Variants in TAFA2 observed in about 807,000 individuals in gnomAD.
TAFA2 encodes TAFA chemokine like family member 2, also known as chemokine-like protein TAFA-2.
Under a neutral mutation model 18.8 loss-of-function variants are expected in TAFA2, and 7 were observed. The observed-to-expected ratio is 0.37, with a 90% CI of 0.21 to 0.70. TAFA2 has a LOEUF of 0.70. Ranked by LOEUF, TAFA2 falls within the 30% of genes least tolerant of loss-of-function variation. TAFA2 has a pLI of 0.53. For synonymous variants in TAFA2, 60 were observed against 54.2 expected (o/e 1.11, Z -0.47); for missense variants, 122 against 158.1 (o/e 0.77, Z 1.23).
chr12:62,056,081 T>C (rs1331563879), intron 1 of TAFA2, among the ~76,000 whole-genome samples: 2 of 152,206 alleles, frequency 1.3e-5, no homozygotes, highest in Non-Finnish European at 2.9e-5. Flanking sequence ...AATTGTTTTC[T>C]GCATTAAAGG....
intron 1 of TAFA2, among the ~76,000 whole-genome samples, chr12:62,100,125 T>C (rs1372893628): frequency 6.9e-6 from 1 of 144,762 alleles, no homozygotes; most frequent in East Asian, 2.0e-4. Context: ...CTCTTCATAA[T>C]AGCAACTCCC....
At chr12:61,916,592 G>T (rs971738677) in intron 1 of TAFA2, among the ~76,000 whole-genome samples, 2 of 152,092 alleles carry the variant, frequency 1.3e-5, no homozygotes, top group Admixed American at 6.6e-5. Flanking sequence ...TGCCTGTTAC[G>T]ATTTTTCACC....
At chr12:61,896,128 T>C (rs1360239223) in intron 1 of TAFA2, among the ~76,000 whole-genome samples, 1 of 152,078 alleles carries the variant, frequency 6.6e-6, no homozygotes, top group African/African-American at 2.4e-5. Context: ...AGCAGGATGG[T>C]ACCTAAAATC....
At chr12:61,802,394 T>C (rs1291349260) in intron 2 of TAFA2, among the ~76,000 whole-genome samples, 3 of 152,054 alleles carry the variant, frequency 2.0e-5, no homozygotes, top group Non-Finnish European at 4.4e-5. Context: ...AAAGAAAATA[T>C]GGTCCATATA....
chr12:61,890,214 CT>C (rs1319203784), intron 1 of TAFA2: 3 of 152,244 alleles, frequency 2.0e-5, no homozygotes, highest in Non-Finnish European at 4.4e-5. Flanking sequence ...GATAAGGTCA[CT>C]TTGTGGATTC....
intron 1 of TAFA2, among the ~76,000 whole-genome samples, chr12:62,152,708 G>A (rs995661420): frequency 6.6e-6 from 1 of 152,194 alleles, no homozygotes; most frequent in Non-Finnish European, 1.5e-5. Context: ...CTACTTGCAT[G>A]GGTAATTGCT....
chr12:62,032,734 A>T (rs1881492904), intron 1 of TAFA2, among the ~76,000 whole-genome samples: 1 of 152,152 alleles, frequency 6.6e-6, no homozygotes, highest in South Asian at 2.1e-4. Context: ...GCTTGGAGCT[A>T]CTCATATTTA....
At chr12:61,764,403 T>G (rs1869698938) in intron 2 of TAFA2, among the ~76,000 whole-genome samples, 2 of 152,070 alleles carry the variant, frequency 1.3e-5, no homozygotes, top group African/African-American at 4.8e-5. Flanking sequence ...CTATAAGCAT[T>G]CCTAGGAAGG....
chr12:62,112,351 G>T (rs985742350), intron 1 of TAFA2, among the ~76,000 whole-genome samples: 1 of 152,190 alleles, frequency 6.6e-6, no homozygotes, highest in African/African-American at 2.4e-5. Flanking sequence ...TCTGCAGAGA[G>T]ATCTGCTGTT....
intron 1 of TAFA2, among the ~76,000 whole-genome samples, chr12:61,896,113 G>A (rs147977175): frequency 6.6e-6 from 1 of 152,114 alleles, no homozygotes; most frequent in Non-Finnish European, 1.5e-5. Flanking sequence ...AAAGGGTGAT[G>A]GGTCAGCAGG....
At chr12:61,830,803 T>C (rs986509312) in intron 2 of TAFA2, among the ~76,000 whole-genome samples, 1 of 152,090 alleles carries the variant, frequency 6.6e-6, no homozygotes, top group African/African-American at 2.4e-5. Flanking sequence ...TTTAGATTCA[T>C]TCCCATACCT....
chr12:61,731,794 G>C (rs1372672316), intron 4 of TAFA2, among the ~76,000 whole-genome samples: 1 of 152,074 alleles, frequency 6.6e-6, no homozygotes, highest in African/African-American at 2.4e-5. Context: ...AAAGATGCAG[G>C]GAAGCAGGAA....
intron 1 of TAFA2, among the ~76,000 whole-genome samples, chr12:61,952,028 G>A (rs1032050673): frequency 1.3e-5 from 2 of 152,268 alleles, no homozygotes. Flanking sequence ...TGATGGCTAA[G>A]TGGTGAGGAA....
chr12:62,089,799 T>C, intron 1 of TAFA2, among the ~76,000 whole-genome samples: 1 of 152,116 alleles, frequency 6.6e-6, no homozygotes, highest in East Asian at 1.9e-4. Context: ...TCTTCAGGTT[T>C]TCATGATCAA....
chr12:61,775,569 CAACTAT>C, intron 2 of TAFA2, among the ~76,000 whole-genome samples: 1 of 151,784 alleles, frequency 6.6e-6, no homozygotes, highest in Non-Finnish European at 1.5e-5. Flanking sequence ...TGTATAATTC[CAACTAT>C]ATGCTTTTCT....
chr12:61,932,448 C>T (rs775906509), intron 1 of TAFA2, among the ~76,000 whole-genome samples: 2 of 152,138 alleles, frequency 1.3e-5, no homozygotes, highest in Admixed American at 6.5e-5. Flanking sequence ...ATCATCCACA[C>T]CCATAACTCT....
At chr12:61,747,774 G>C (rs1484901639) in intron 4 of TAFA2, among the ~76,000 whole-genome samples, 1 of 150,474 alleles carries the variant, frequency 6.6e-6, no homozygotes, top group Non-Finnish European at 1.5e-5. Flanking sequence ...TAGATGACGA[G>C]TTAGTGGGTG....
chr12:61,788,533 A>G (rs1297272734), intron 2 of TAFA2, among the ~76,000 whole-genome samples: 2 of 151,746 alleles, frequency 1.3e-5, no homozygotes, highest in Non-Finnish European at 2.9e-5. Flanking sequence ...GTATAAAGCT[A>G]AAAAAGGAAT....
intron 1 of TAFA2, among the ~76,000 whole-genome samples, chr12:62,145,085 G>C (rs1260347992): frequency 6.6e-6 from 1 of 152,168 alleles, no homozygotes; most frequent in Admixed American, 6.5e-5. Context: ...TTCTTATTCA[G>C]CTTTTGTTTA....
Sources: allele counts gnomAD v4.1 joint callset (sites outside exome capture counted in the v4.1 genomes callset), GRCh38; gene constraint gnomAD v4.1.1; transcripts MANE v1.5; gene names NCBI Gene and HGNC (gene_info 2026-07-23, HGNC 2026-07-21).